Variants in RIMS1 observed in about 807,000 individuals in gnomAD.
RIMS1 encodes the protein regulating synaptic membrane exocytosis 1.
In RIMS1, 83 loss-of-function variants were observed where a neutral mutation model predicts 214.1. That is an observed-to-expected ratio of 0.39 (90% CI 0.32 to 0.47). The LOEUF (loss-of-function observed/expected upper bound fraction) is 0.47, where lower values mean the gene tolerates loss of function less well. Among genes scored for constraint, RIMS1 ranks in the 20% least tolerant of loss-of-function variants. The pLI, the probability that RIMS1 is intolerant of heterozygous loss-of-function variation, is 0.99. For synonymous variants in RIMS1, 793 were observed against 786.8 expected, an observed-to-expected ratio of 1.01 and a Z score of -0.13; for missense variants, 2,050 against 2,161.8, an observed-to-expected ratio of 0.95 and a Z score of 1.03.
chr6:72,358,180 G>A (rs554475377), intron 29 of RIMS1, among the ~76,000 whole-genome samples: 2 of 152,084 alleles, frequency 1.3e-5, no homozygotes, highest in African/African-American at 2.4e-5. Context: ...AAAAAAAAAG[G>A]TGCTGATAGA....
At chr6:72,353,440 C>T (rs1438980281) in intron 29 of RIMS1, among the ~76,000 whole-genome samples, 5 of 152,180 alleles carry the variant, frequency 3.3e-5, no homozygotes, top group Non-Finnish European at 7.4e-5. Context: ...TCTATTCATT[C>T]GTCAGTTTTA....
chr6:72,314,218 C>T (rs955612600), intron 28 of RIMS1, among the ~76,000 whole-genome samples: 3 of 152,114 alleles, frequency 2.0e-5, no homozygotes, highest in Non-Finnish European at 2.9e-5. Flanking sequence ...AGGGAAAAGA[C>T]CCCAGACATC....
At chr6:72,078,341 A>G (rs1179916239) in intron 2 of RIMS1, among the ~76,000 whole-genome samples, 2 of 152,190 alleles carry the variant, frequency 1.3e-5, no homozygotes, top group Admixed American at 6.5e-5. Flanking sequence ...AGTAATTACT[A>G]TGAAATGTTA....
chr6:71,944,124 A>G lies in RIMS1; in HGVS notation c.165-24859A>G, dbSNP rs1228387690. ...TACATCTATTACTTGGTAAAATACT[A>G]TTATGGTTAATGTAAAATCTAAGAT... is the stretch of plus-strand genomic sequence containing the variant. On this transcript the variant is annotated intron_variant, in intron 1 of 33. Coordinates refer to ENST00000521978, the MANE Select transcript of RIMS1 (RefSeq NM_014989.7). Among the ~76,000 whole-genome samples, 7 of 152,202 alleles carry G rather than the reference A, an allele frequency of 4.6e-5. No homozygotes were observed. The South Asian group carries it at 1.2e-3, about 27-fold the overall frequency.
At chr6:72,100,059 C>A (rs1165232887) in intron 4 of RIMS1, 73 bp downstream of exon 4, 2 of 1,166,602 alleles carry the variant, frequency 1.7e-6, no homozygotes, top group East Asian at 2.4e-5. Flanking sequence ...AATGTTGCAC[C>A]TAGTATTGTT....
At chr6:71,921,695 T>C (rs921142643) in intron 1 of RIMS1, among the ~76,000 whole-genome samples, 16 of 152,308 alleles carry the variant, frequency 1.1e-4, no homozygotes, top group Non-Finnish European at 1.3e-4. Context: ...TCATTCAAAA[T>C]CTAAACTTTG....
rs533483064 is a variant in RIMS1, at chr6:71,986,504, A to C, written c.245+17441A>C. On this transcript the variant is annotated intron_variant, in intron 2 of 33. Transcript: ENST00000521978. ...GATGATGCCTTGTCGTGGGGAGAAG[A>C]GCATGGATTATAAATAAGAATCTAG... Among the ~76,000 whole-genome samples, 10 of 152,320 alleles carry C rather than the reference A, an allele frequency of 6.6e-5. No individual in the cohort carries two copies. In the South Asian group the frequency reaches 2.1e-3, roughly 32 times the overall value.
intron 2 of RIMS1, among the ~76,000 whole-genome samples, chr6:71,994,990 A>G (rs1341455038): frequency 2.0e-5 from 3 of 152,234 alleles, no homozygotes; most frequent in Non-Finnish European, 4.4e-5. Flanking sequence ...TTAGAAAGAA[A>G]TAGATGTTCT....
At chr6:71,890,113 C>T (rs551922943) in intron 1 of RIMS1, among the ~76,000 whole-genome samples, 8 of 152,178 alleles carry the variant, frequency 5.3e-5, no homozygotes, top group African/African-American at 1.2e-4. Context: ...TAAGTTTCAT[C>T]GGCCTTGATT....
At chr6:72,180,832 C>G (rs749231745) in intron 5 of RIMS1, among the ~76,000 whole-genome samples, 6 of 152,126 alleles carry the variant, frequency 3.9e-5, no homozygotes, top group Admixed American at 2.6e-4. Flanking sequence ...AAAGCCCATA[C>G]AGTAAAAGAT....
At chr6:72,270,837 TC>T (rs1214224689) in intron 22 of RIMS1, among the ~76,000 whole-genome samples, 1 of 152,206 alleles carries the variant, frequency 6.6e-6, no homozygotes. Context: ...CACTCTTTCT[TC>T]CTTGGGGTGC....
In RIMS1 at chr6:72,003,484, CCTTT is replaced by C. The variant is rs201398702; in HGVS notation, c.245+34424_245+34427del. On this transcript the variant is annotated intron_variant, in intron 2 of 33. Coordinates refer to ENST00000521978, the MANE Select transcript of RIMS1 (RefSeq NM_014989.7). ...CAGTTGAGCCATCTTCCTCACTATT[CCTTT>C]CTATTTTCTCTGACACCTAATTTTC... Among the ~76,000 whole-genome samples the C allele has an allele frequency of 5.5e-3, 842 of 152,198 alleles. 8 individuals carry two copies. Among genetic ancestry groups the C allele is most frequent in the Non-Finnish European group, 8.0e-3 (545 of 68,018 alleles).
intron 1 of RIMS1, among the ~76,000 whole-genome samples, chr6:71,936,772 A>G (rs555458600): frequency 1.3e-5 from 2 of 152,198 alleles, no homozygotes; most frequent in Non-Finnish European, 2.9e-5. Flanking sequence ...CCGTTTTGTA[A>G]AACTGATTCT....
chr6:71,910,997 A>C (rs2150588904), intron 1 of RIMS1, among the ~76,000 whole-genome samples: 1 of 152,258 alleles, frequency 6.6e-6, no homozygotes, highest in South Asian at 2.1e-4. Context: ...TGAAGGTTAT[A>C]GAGGAGTCAA....
At chr6:71,977,264 G>A (rs909568602) in intron 2 of RIMS1, among the ~76,000 whole-genome samples, 1 of 152,126 alleles carries the variant, frequency 6.6e-6, no homozygotes, top group African/African-American at 2.4e-5. Flanking sequence ...TTCCTTCACT[G>A]CTAAAACAGC....
At chr6:72,270,404 T>C (rs139206544) in intron 22 of RIMS1, among the ~76,000 whole-genome samples, 1 of 152,326 alleles carries the variant, frequency 6.6e-6, no homozygotes, top group East Asian at 1.9e-4. Context: ...GCAGGGATAA[T>C]ATCCTATTTC....
intron 1 of RIMS1, among the ~76,000 whole-genome samples, chr6:71,935,078 A>G (rs1784081154): frequency 1.3e-5 from 2 of 152,212 alleles, no homozygotes; most frequent in African/African-American, 4.8e-5. Context: ...ATATACAGAG[A>G]GAAAGCATCA....
At chr6:71,917,158 A>C (rs1011096152) in intron 1 of RIMS1, among the ~76,000 whole-genome samples, 3 of 152,174 alleles carry the variant, frequency 2.0e-5, no homozygotes, top group African/African-American at 7.2e-5. Context: ...AGATTAAATG[A>C]GTTAAATACA....
intron 2 of RIMS1, among the ~76,000 whole-genome samples, chr6:72,059,346 C>T (rs968424352): frequency 1.3e-5 from 2 of 152,202 alleles, no homozygotes; most frequent in Admixed American, 1.3e-4. Flanking sequence ...CCCTCCTCTG[C>T]CTCCTGAGTA....
Sources: allele counts gnomAD v4.1 joint callset (sites outside exome capture counted in the v4.1 genomes callset), GRCh38; gene constraint gnomAD v4.1.1; transcripts MANE v1.5; gene names NCBI Gene and HGNC (gene_info 2026-07-23, HGNC 2026-07-21).